FTO: variants seen among roughly 807,000 people sequenced by gnomAD.
FTO encodes the protein alpha-ketoglutarate-dependent dioxygenase FTO.
In FTO, 47 loss-of-function variants were observed where a neutral mutation model predicts 63.9. That is an observed-to-expected ratio of 0.74 (90% confidence interval 0.58 to 0.94). The LOEUF (loss-of-function observed/expected upper bound fraction) is 0.94. Ranked by LOEUF, FTO falls within the 40% of genes least tolerant of loss-of-function variation. FTO has a pLI of 0.00. For missense variants in FTO, 562 were observed against 618.1 expected (o/e 0.91, Z 0.96); for synonymous variants, 207 against 224.4 (o/e 0.92, Z 0.69).
At chr16:54,099,949 A>G (rs764522649) in intron 8 of FTO, among the ~76,000 whole-genome samples, 1 of 152,166 alleles carries the variant, frequency 6.6e-6, no homozygotes, top group East Asian at 1.9e-4. Context: ...AAAGACACGT[A>G]TGTCTCCCCC....
At chr16:53,799,746 A>G (rs1268997168) in intron 1 of FTO, among the ~76,000 whole-genome samples, 1 of 152,216 alleles carries the variant, frequency 6.6e-6, no homozygotes, top group African/African-American at 2.4e-5. Flanking sequence ...CGTTCCTGGT[A>G]CATGCCCGGT....
At chr16:53,883,810 C>A (rs1168595892) in intron 6 of FTO, among the ~76,000 whole-genome samples, 1 of 152,034 alleles carries the variant, frequency 6.6e-6, no homozygotes, top group Non-Finnish European at 1.5e-5. Context: ...ACCATCCCCC[C>A]AATCTCTGAT....
intron 8 of FTO, among the ~76,000 whole-genome samples, chr16:54,038,223 G>A (rs1294834320): frequency 6.6e-6 from 1 of 152,184 alleles, no homozygotes; most frequent in Non-Finnish European, 1.5e-5. Flanking sequence ...TTTCAAGCAT[G>A]AGTAGAGTCA....
intron 8 of FTO, among the ~76,000 whole-genome samples, chr16:54,104,676 T>C (rs2086709838): frequency 6.6e-6 from 1 of 152,222 alleles, no homozygotes. Context: ...CATTATCATG[T>C]AGCTGATGCC....
chr16:53,716,146 T>C (rs1382114680), intron 1 of FTO, among the ~76,000 whole-genome samples: 1 of 152,198 alleles, frequency 6.6e-6, no homozygotes, highest in African/African-American at 2.4e-5. Context: ...ACATCCACTT[T>C]GAGACTTGTT....
At chr16:54,101,187 C>T (rs543006285) in intron 8 of FTO, among the ~76,000 whole-genome samples, 37 of 151,438 alleles carry the variant, frequency 2.4e-4, no homozygotes, top group African/African-American at 8.5e-4. Context: ...CATAGGTAAA[C>T]ATGTGTCACG....
At chr16:53,909,639 C>T (rs1269969307) in intron 7 of FTO, among the ~76,000 whole-genome samples, 2 of 146,286 alleles carry the variant, frequency 1.4e-5, no homozygotes, top group Admixed American at 1.4e-4. Flanking sequence ...TCATGGCTCA[C>T]TGCAGCCTCC....
At chr16:54,028,357 G>A (rs770629319) in intron 8 of FTO, among the ~76,000 whole-genome samples, 4 of 152,052 alleles carry the variant, frequency 2.6e-5, no homozygotes, top group East Asian at 1.9e-4. Context: ...TCCTCTCACC[G>A]TTTTCAGAAT....
chr16:54,071,504 T>C (rs1253126639), intron 8 of FTO: 2 of 152,298 alleles, frequency 1.3e-5, no homozygotes, highest in South Asian at 2.1e-4. Context: ...CCTTGTTTTG[T>C]TCTTGTATCA....
chr16:53,916,874 C>T (rs1009194019), intron 7 of FTO, among the ~76,000 whole-genome samples: 2 of 152,196 alleles, frequency 1.3e-5, no homozygotes, highest in Non-Finnish European at 2.9e-5. Context: ...GGAGCTAAGG[C>T]TCATCAACTA....
chr16:54,073,653 C>A (rs1307584530), intron 8 of FTO, among the ~76,000 whole-genome samples: 1 of 151,290 alleles, frequency 6.6e-6, no homozygotes, highest in Non-Finnish European at 1.5e-5. Context: ...GAGACTGTCT[C>A]AATGTGTTGT....
intron 8 of FTO, among the ~76,000 whole-genome samples, chr16:53,989,833 C>CCCTCCT (rs139259532): frequency 0.016 from 2,410 of 151,076 alleles, 69 homozygotes; most frequent in African/African-American, 0.056. Context: ...CCCCTCCACT[C>CCCTCCT]CCTCCTCCTC....
At chr16:53,810,823 A>G (rs2078500534) in intron 2 of FTO, among the ~76,000 whole-genome samples, 1 of 152,162 alleles carries the variant, frequency 6.6e-6, no homozygotes, top group Non-Finnish European at 1.5e-5. Flanking sequence ...ATGTCACCCG[A>G]TCACTGTTTT....
At chr16:53,970,770 C>A (rs1356699967) in intron 8 of FTO, among the ~76,000 whole-genome samples, 8 of 152,006 alleles carry the variant, frequency 5.3e-5, no homozygotes, top group Admixed American at 3.3e-4. Context: ...TGAAAGCCGC[C>A]AGTGTGACAC....
At chr16:53,852,906 G>A (rs1214292604) in intron 4 of FTO, among the ~76,000 whole-genome samples, 1 of 152,082 alleles carries the variant, frequency 6.6e-6, no homozygotes, top group African/African-American at 2.4e-5. Flanking sequence ...GACTTGTTCA[G>A]TGTTTGATAA....
intron 4 of FTO, among the ~76,000 whole-genome samples, chr16:53,853,815 A>T (rs2079891011): frequency 6.6e-6 from 1 of 152,146 alleles, no homozygotes; most frequent in Admixed American, 6.5e-5. Context: ...TGATATAATG[A>T]CTTCTTTTTC....
intron 8 of FTO, among the ~76,000 whole-genome samples, chr16:54,039,098 C>G (rs2085012578): frequency 1.3e-5 from 2 of 152,134 alleles, no homozygotes; most frequent in Admixed American, 1.3e-4. Flanking sequence ...ACTGGGTTTT[C>G]AAGGAGAATG....
At chr16:53,864,925 T>A (rs2080266477) in intron 4 of FTO, among the ~76,000 whole-genome samples, 1 of 152,184 alleles carries the variant, frequency 6.6e-6, no homozygotes, top group Non-Finnish European at 1.5e-5. Context: ...AAGAATTGTT[T>A]GATTAGAGAG....
At chr16:53,916,343 T>G (rs2081863907) in intron 7 of FTO, among the ~76,000 whole-genome samples, 1 of 152,166 alleles carries the variant, frequency 6.6e-6, no homozygotes, top group South Asian at 2.1e-4. Flanking sequence ...GGTCTCTCTG[T>G]GTTCTCATTG....
Sources: allele counts gnomAD v4.1 joint callset (sites outside exome capture counted in the v4.1 genomes callset), GRCh38; gene constraint gnomAD v4.1.1; transcripts MANE v1.5; gene names NCBI Gene and HGNC (gene_info 2026-07-23, HGNC 2026-07-21).